The following DLGAP1 variants were observed in gnomAD, a reference collection of about 807,000 sequenced individuals.
DLGAP1 encodes disks large-associated protein 1.
In DLGAP1, 11 loss-of-function variants were observed where a neutral mutation model predicts 90.8. The observed-to-expected ratio is 0.12, with a 90% CI of 0.08 to 0.20. The LOEUF is 0.20. Among genes scored for constraint, DLGAP1 ranks in the 10% least tolerant of loss-of-function variants. The probability of loss-of-function intolerance (pLI) is 1.00; values close to 1 mark genes in which losing one functional copy is unlikely to be tolerated. For synonymous variants in DLGAP1, 558 were observed against 540.7 expected, an observed-to-expected ratio of 1.03 and a Z score of -0.44; for missense variants, 1,050 against 1,333.8, an observed-to-expected ratio of 0.79 and a Z score of 3.31.
At chr18:4,005,937 T>C (rs1192007262) in intron 2 of DLGAP1, among the ~76,000 whole-genome samples, 2 of 152,194 alleles carry the variant, frequency 1.3e-5, no homozygotes, top group Admixed American at 6.5e-5. Context: ...AATCTCTAAA[T>C]GGTGATTTCC....
intron 1 of DLGAP1, among the ~76,000 whole-genome samples, chr18:4,264,124 C>G (rs1022858880): frequency 3.1e-4 from 47 of 152,276 alleles, no homozygotes; most frequent in African/African-American, 1.1e-3. Flanking sequence ...AAAGTCCATC[C>G]AGGAGCTTCC....
chr18:4,203,129 G>C (rs1270965111), intron 1 of DLGAP1, among the ~76,000 whole-genome samples: 1 of 152,042 alleles, frequency 6.6e-6, no homozygotes, highest in Non-Finnish European at 1.5e-5. Context: ...CAAAAAATTA[G>C]CTGGGCGTGG....
chr18:4,122,409 C>T (rs551278955), intron 2 of DLGAP1, among the ~76,000 whole-genome samples: 7 of 152,208 alleles, frequency 4.6e-5, no homozygotes, highest in Admixed American at 6.5e-5. Flanking sequence ...AGGCCTTTTC[C>T]GCCACGATTA....
At chr18:3,647,735 G>T (rs989894944) in intron 7 of DLGAP1, among the ~76,000 whole-genome samples, 5 of 152,118 alleles carry the variant, frequency 3.3e-5, no homozygotes, top group Non-Finnish European at 7.4e-5. Context: ...AAAGTGCTGG[G>T]ATTACAGGTG....
At chr18:3,854,928 G>A (rs894586725) in intron 4 of DLGAP1, among the ~76,000 whole-genome samples, 1 of 152,134 alleles carries the variant, frequency 6.6e-6, no homozygotes, top group Non-Finnish European at 1.5e-5. Context: ...AAGCTAAGAG[G>A]GATGCTTTTC....
chr18:3,645,867 C>G (rs1402500207), intron 7 of DLGAP1, among the ~76,000 whole-genome samples: 1 of 152,098 alleles, frequency 6.6e-6, no homozygotes, highest in Non-Finnish European at 1.5e-5. Flanking sequence ...TGAGTTTTGT[C>G]ATAAACAGAT....
intron 2 of DLGAP1, among the ~76,000 whole-genome samples, chr18:4,119,547 G>T (rs2076118891): frequency 6.6e-6 from 1 of 152,148 alleles, no homozygotes; most frequent in Non-Finnish European, 1.5e-5. Context: ...TCCTCATTGG[G>T]AAGTGACTGG....
chr18:3,576,254 T>C (rs1354555936), intron 8 of DLGAP1, among the ~76,000 whole-genome samples: 1 of 150,016 alleles, frequency 6.7e-6, no homozygotes, highest in Non-Finnish European at 1.5e-5. Flanking sequence ...GGCTCCACCC[T>C]CCAACTCCTT....
At chr18:4,036,052 A>T (rs1159779891) in intron 2 of DLGAP1, among the ~76,000 whole-genome samples, 1 of 152,064 alleles carries the variant, frequency 6.6e-6, no homozygotes, top group African/African-American at 2.4e-5. Context: ...TGATTTAGCT[A>T]TTTATTTTCA....
chr18:4,220,970 A>G (rs1013406977), intron 1 of DLGAP1, among the ~76,000 whole-genome samples: 1 of 152,126 alleles, frequency 6.6e-6, no homozygotes, highest in African/African-American at 2.4e-5. Flanking sequence ...ATTTACCACT[A>G]TGTTATAATT....
intron 5 of DLGAP1, among the ~76,000 whole-genome samples, chr18:3,761,733 G>A (rs1185528513): frequency 6.6e-6 from 1 of 151,976 alleles, no homozygotes; most frequent in African/African-American, 2.4e-5. Flanking sequence ...GTGCCACCAC[G>A]TCGGGCTAAT....
Position 3,879,122 on chromosome 18 carries a change from T to C in DLGAP1, c.947A>G (p.Gln316Arg). ...SESCQQERSC[Q>R]YLQVPQDEWT... Reference sequence around the variant, plus strand: ...TGACAGAAATGGTACCTGCAGGTACTGGCAGGAGCGTTCTTGCTGACACGA... The same window carrying C: ...TGACAGAAATGGTACCTGCAGGTACCGGCAGGAGCGTTCTTGCTGACACGA... Residue 316 changes from glutamine (Q) to arginine (R), a missense_variant, in exon 4 of 13, where the codon CAG (glutamine) becomes CGG (arginine). Physicochemically the swap from Gln to Arg is conservative, Grantham distance 43. Around this residue, in one of 2 missense-constraint regions of DLGAP1, gnomAD observed 485 missense variants for 454.1 expected, o/e 1.07. Coordinates refer to ENST00000315677, the MANE Select transcript of DLGAP1 (RefSeq NM_004746.4). This position sits in a 1 kb window ranked among gnomAD's most constrained non-coding sequence, Gnocchi z 6.6. 1.3e-6 allele frequency: 2 copies of C among 1,502,248 alleles called. No individual in the cohort carries two copies. The highest frequency in any genetic ancestry group is 2.7e-5 in the South Asian group (2 of 73,194). 93.1% of individuals were successfully genotyped at this position (1,502,248 alleles called of 1,614,324 possible). A position where few individuals can be genotyped will look rare whatever the true frequency, so the allele number is the denominator to read the frequency against.
intron 7 of DLGAP1, among the ~76,000 whole-genome samples, chr18:3,682,132 A>AAT (rs1555627062): frequency 3.9e-5 from 4 of 102,472 alleles, no homozygotes; most frequent in Admixed American, 8.8e-5. Context: ...AAAAAAAAAT[A>AAT]AAAAAAAATA....
intron 2 of DLGAP1, among the ~76,000 whole-genome samples, chr18:4,113,530 A>G (rs1032238282): frequency 1.3e-5 from 2 of 152,080 alleles, no homozygotes; most frequent in Non-Finnish European, 2.9e-5. Context: ...CCTTTGTCAT[A>G]TGCATAGTTT....
intron 1 of DLGAP1, among the ~76,000 whole-genome samples, chr18:4,156,227 G>A (rs957527187): frequency 6.6e-6 from 1 of 152,206 alleles, no homozygotes; most frequent in Admixed American, 6.5e-5. Flanking sequence ...TTGCCACATA[G>A]GTGGCTGGAT....
intron 1 of DLGAP1, among the ~76,000 whole-genome samples, chr18:4,255,760 C>T (rs1338092455): frequency 6.6e-6 from 1 of 152,008 alleles, no homozygotes. Flanking sequence ...AAAAACTATA[C>T]TTTTCCCCAA....
rs759339737 is a variant in DLGAP1 at position 3,567,384 on chromosome 18, C to T, written c.2057+106G>A. ...CTTCACCCTTTAAATACTCCCAAAA[C>T]TTAGAGGAAAATATCATTGAATTTT... is the stretch of plus-strand genomic sequence containing the variant. On this transcript the variant is annotated intron_variant, in intron 9 of 12. Coordinates refer to ENST00000315677, the MANE Select transcript of DLGAP1 (RefSeq NM_004746.4). 1.8e-4 allele frequency: 177 copies of T among 986,262 alleles called. 1 individual carries two copies. Among genetic ancestry groups the T allele is most frequent in the Middle Eastern group, 8.7e-4 (4 of 4,618 alleles). 61.1% of individuals were successfully genotyped at this position (986,262 alleles called of 1,614,324 possible).
chr18:3,852,893 T>C (rs1378200210), intron 4 of DLGAP1, among the ~76,000 whole-genome samples: 3 of 152,054 alleles, frequency 2.0e-5, no homozygotes, highest in Non-Finnish European at 4.4e-5. Flanking sequence ...TAATTGTATT[T>C]TTAAGTTTAT....
In DLGAP1 at chr18:3,879,078, A is replaced by G. The variant is rs771045302; in HGVS notation, c.957+34T>C. 1 of 1,448,414 alleles carries G rather than the reference A, an allele frequency of 6.9e-7. No individual in the cohort carries two copies. Among genetic ancestry groups the G allele is most frequent in the South Asian group, 1.5e-5 (1 of 64,518 alleles). 89.7% of individuals were successfully genotyped at this position (1,448,414 alleles called of 1,614,324 possible). A position where few individuals can be genotyped will look rare whatever the true frequency, so the allele number is the denominator to read the frequency against. Reference sequence around the variant, plus strand: ...TGCCCACACAAGCATGCCAGGTACTACTTCTAAGCCTCCATCATTGACAGA... The same window carrying G: ...TGCCCACACAAGCATGCCAGGTACTGCTTCTAAGCCTCCATCATTGACAGA... On this transcript the variant is annotated intron_variant, in intron 4 of 12. Transcript: ENST00000315677. The surrounding 1 kb of genome is among the most constrained non-coding windows in gnomAD (Gnocchi z 6.6).
Sources: allele counts gnomAD v4.1 joint callset (sites outside exome capture counted in the v4.1 genomes callset), GRCh38; gene constraint gnomAD v4.1.1; regional missense constraint gnomAD v4.1.1; non-coding constraint Gnocchi (gnomAD v3.1); transcripts MANE v1.5; gene names NCBI Gene and HGNC (gene_info 2026-07-23, HGNC 2026-07-21).